Variants in ADAMTSL1 observed in about 807,000 individuals in gnomAD.
ADAMTSL1 encodes the protein ADAMTS-like protein 1.
In ADAMTSL1, 126 loss-of-function variants were observed where a neutral mutation model predicts 201.8. The ratio of observed to expected loss-of-function variants is 0.62; its 90% CI spans 0.54 to 0.72. The LOEUF (loss-of-function observed/expected upper bound fraction) is 0.72, where lower values mean the gene tolerates loss of function less well. Ranked by LOEUF, ADAMTSL1 falls within the 30% of genes least tolerant of loss-of-function variation. The pLI, the probability that ADAMTSL1 is intolerant of heterozygous loss-of-function variation, is 0.00. For synonymous variants in ADAMTSL1, 1,121 were observed against 903.4 expected, an observed-to-expected ratio of 1.24 and a Z score of -4.32; for missense variants, 2,679 against 2,277.8, an observed-to-expected ratio of 1.18 and a Z score of -3.59.
At chr9:18,295,922 T>G (rs1212116238) in intron 2 of ADAMTSL1, among the ~76,000 whole-genome samples, 1 of 152,240 alleles carries the variant, frequency 6.6e-6, no homozygotes. Flanking sequence ...TGTCACGACC[T>G]TAATTAAGTG....
At chr9:18,821,430 G>C (rs1400674048) in intron 21 of ADAMTSL1, among the ~76,000 whole-genome samples, 2 of 152,120 alleles carry the variant, frequency 1.3e-5, no homozygotes, top group African/African-American at 4.8e-5. Flanking sequence ...ACAGAATACG[G>C]AGGATGGTTG....
chr9:18,796,598 C>A (rs996436066), intron 20 of ADAMTSL1: 3 of 152,200 alleles, frequency 2.0e-5, no homozygotes, highest in African/African-American at 4.8e-5. Flanking sequence ...GTATTCCTGC[C>A]CCCATGACTT....
chr9:18,577,186 T>C (rs994574707), intron 4 of ADAMTSL1, among the ~76,000 whole-genome samples: 3 of 152,106 alleles, frequency 2.0e-5, no homozygotes, highest in Non-Finnish European at 2.9e-5. Context: ...GAATTTAAAG[T>C]CAAAAGACAT....
At position 18,868,707 on chromosome 9, in the gene ADAMTSL1, T is replaced by G. The variant is rs1293856700; in HGVS notation, c.4250-19124T>G. ...TAACCTGATGCACGTACATCTTCAG[T>G]TGGGCAAAATCTCAAGAGGAATTTA... On this transcript the variant is annotated intron_variant, in intron 23 of 28. Transcript: ENST00000380548. Among the ~76,000 whole-genome samples, 5 of 152,234 alleles carry G rather than the reference T, an allele frequency of 3.3e-5. No individual in the cohort carries two copies. In the East Asian group the frequency reaches 7.7e-4, roughly 23 times the overall value.
intron 3 of ADAMTSL1, among the ~76,000 whole-genome samples, chr9:18,542,943 A>G (rs1248983530): frequency 2.0e-5 from 3 of 152,160 alleles, no homozygotes; most frequent in African/African-American, 4.8e-5. Flanking sequence ...TGGAAGGAGA[A>G]TGTTAGACCT....
intron 1 of ADAMTSL1, among the ~76,000 whole-genome samples, chr9:17,997,952 T>A (rs1291474685): frequency 3.3e-5 from 5 of 152,092 alleles, no homozygotes; most frequent in Non-Finnish European, 7.4e-5. Context: ...TTACCTGGAA[T>A]GGCTGGCACC....
In ADAMTSL1 at chr9:18,910,879, G is replaced by A. The variant is rs916348830; in HGVS notation, c.*2331G>A. 2 of 152,314 alleles carry A rather than the reference G, an allele frequency of 1.3e-5. No homozygotes were observed. The highest frequency in any genetic ancestry group is 1.3e-4 in the Admixed American group (2 of 15,302). 9.4% of individuals were successfully genotyped at this position (152,314 alleles called of 1,614,324 possible). On this transcript the variant is annotated 3_prime_UTR_variant, in exon 29 of 29. Transcript: ENST00000380548. The stretch of plus-strand genomic sequence containing the variant: ...AAGGCTGCTGGCTAATGTGGAAGGA[G>A]GCACTTTCTCCTCTAAAACACAAAA...
rs540832459 is a variant in ADAMTSL1, at chr9:18,519,349, G to A, written c.192-13898G>A. 2.0e-5 allele frequency among the ~76,000 whole-genome samples: 3 copies of A among 152,174 alleles called. No homozygotes were observed. The South Asian group carries it at 6.2e-4, about 32-fold the overall frequency. On this transcript the variant is annotated intron_variant, in intron 2 of 28. Coordinates refer to ENST00000380548, the MANE Select transcript of ADAMTSL1 (RefSeq NM_001040272.6). ...AGGGTAAGAACCTAGTGTAGTGCTC[G>A]AGGGAGCAGGAGGAGGAAGCGAGGG...
At chr9:18,305,416 G>T (rs945872322) in intron 2 of ADAMTSL1, among the ~76,000 whole-genome samples, 2 of 152,194 alleles carry the variant, frequency 1.3e-5, no homozygotes, top group East Asian at 1.9e-4. Context: ...TAGCTCAGGG[G>T]ATCCGACCCC....
At chr9:18,436,754 C>T (rs1204973861) in intron 2 of ADAMTSL1, among the ~76,000 whole-genome samples, 1 of 152,164 alleles carries the variant, frequency 6.6e-6, no homozygotes, top group East Asian at 1.9e-4. Flanking sequence ...TCCAGAACCA[C>T]ATCATTTTTT....
chr9:18,885,216 T>C (rs1347983594), intron 23 of ADAMTSL1, among the ~76,000 whole-genome samples: 1 of 152,202 alleles, frequency 6.6e-6, no homozygotes, highest in Non-Finnish European at 1.5e-5. Context: ...GGAGGAAAGC[T>C]TTGTCTTCAC....
intron 2 of ADAMTSL1, among the ~76,000 whole-genome samples, chr9:18,393,909 A>T (rs563631013): frequency 1.3e-5 from 2 of 152,354 alleles, no homozygotes; most frequent in South Asian, 4.1e-4. Context: ...TCCACAGCCC[A>T]CTGTACCTCT....
rs558961975 is a variant in ADAMTSL1 at position 18,712,691 on chromosome 9, G to A, written c.1876+5643G>A. Among the ~76,000 whole-genome samples the A allele has an allele frequency of 1.2e-3, 175 of 151,648 alleles. 1 individual carries two copies. Among genetic ancestry groups the A allele is most frequent in the African/African-American group, 3.9e-3 (162 of 41,328 alleles). ...AAACACTCTGCAGGATATTATCCAG[G>A]AGAACTTCCCCAATTTAGCAAGGCA... On this transcript the variant is annotated intron_variant, in intron 14 of 28. Coordinates refer to ENST00000380548, the MANE Select transcript of ADAMTSL1 (RefSeq NM_001040272.6).
At chr9:18,891,273 C>A (rs779862770) in intron 25 of ADAMTSL1, among the ~76,000 whole-genome samples, 6 of 152,060 alleles carry the variant, frequency 3.9e-5, no homozygotes, top group Non-Finnish European at 7.4e-5. Flanking sequence ...AAGTGTTGCC[C>A]TGGTTGTCTC....
chr9:18,675,862 G>A lies in ADAMTSL1; in HGVS notation c.1091G>A (p.Gly364Glu). 1 of 1,613,022 alleles carries A rather than the reference G, an allele frequency of 6.2e-7. No individual in the cohort carries two copies. Among genetic ancestry groups the A allele is most frequent in the South Asian group, 1.1e-5 (1 of 91,048 alleles). ...CNLDPCPASD[G>E]YKQIMPYDLY... ...GGCATTATTGTTCCTAACAGTGACG[G>A]ATACAAGCAGATCATGCCTTATGAC... The change falls in exon 10 of 29, where the codon GGA (glycine) becomes GAA (glutamate). Residue 364 changes from glycine (G) to glutamate (E), a missense_variant. Coordinates refer to ENST00000380548, the MANE Select transcript of ADAMTSL1 (RefSeq NM_001040272.6).
chr9:18,776,790 G>T lies in ADAMTSL1; in HGVS notation c.2561G>T (p.Arg854Leu). 4 of 1,549,566 alleles carry T rather than the reference G, an allele frequency of 2.6e-6. No individual in the cohort carries two copies. Among genetic ancestry groups the T allele is most frequent in the Middle Eastern group, 3.4e-4 (2 of 5,960 alleles). The change falls in exon 19 of 29, where the codon CGG becomes CTG. Residue 854 changes from arginine (R) to leucine (L), a missense_variant. Physicochemically the swap from Arg to Leu is moderately radical, Grantham distance 102. Transcript: ENST00000380548. ...CMLATCARPG[R>L]PSTKHSPHIA... ...TTCGCTCTCCTTCCAGGGCCCGGGCGGCCATCCACGAAGCACAGCCCGCAC... is the reference window on the plus strand; with the variant it reads ...TTCGCTCTCCTTCCAGGGCCCGGGCTGCCATCCACGAAGCACAGCCCGCAC...
chr9:18,193,533 C>A (rs1037283630), intron 2 of ADAMTSL1, among the ~76,000 whole-genome samples: 3 of 152,066 alleles, frequency 2.0e-5, no homozygotes, highest in African/African-American at 7.2e-5. Flanking sequence ...CACTCTTTTT[C>A]CTTTATCTAT....
intron 2 of ADAMTSL1, among the ~76,000 whole-genome samples, chr9:18,299,024 T>A (rs71506868): frequency 0.35 from 42,480 of 121,140 alleles, 6,877 homozygotes; most frequent in African/African-American, 0.46. Flanking sequence ...AAAAAAAAAA[T>A]AATAATAATA....
chr9:18,740,145 C>G (rs1036751414), intron 15 of ADAMTSL1, among the ~76,000 whole-genome samples: 3 of 152,084 alleles, frequency 2.0e-5, no homozygotes, highest in African/African-American at 7.2e-5. Context: ...AACATGTCAC[C>G]CAGTGCTGTG....
Sources: gnomAD v4.1 joint callset for allele counts (sites outside exome capture counted in the v4.1 genomes callset) on GRCh38, gnomAD v4.1.1 for gene constraint, MANE v1.5 for transcripts, NCBI Gene and HGNC (gene_info 2026-07-23, HGNC 2026-07-21) for gene names.